PLAC1: variants seen among roughly 807,000 people sequenced by gnomAD.
The protein encoded by PLAC1 is placenta-specific protein 1.
For synonymous variants in PLAC1, 68 were observed against 62.1 expected, an observed-to-expected ratio of 1.09 and a Z score of -0.44; for missense variants, 136 against 163.2, an observed-to-expected ratio of 0.83 and a Z score of 0.91.
At chrX:134,749,815 A>T (rs2078736889) in intron 1 of PLAC1, among the ~76,000 whole-genome samples, 1 of 111,770 alleles carries the variant, frequency 8.9e-6, no homozygotes, top group Non-Finnish European at 1.9e-5. Flanking sequence ...GAACATCTGG[A>T]AAGAGTGTTA....
intron 2 of PLAC1, among the ~76,000 whole-genome samples, chrX:134,674,981 T>C (rs761298347): frequency 1.0e-3 from 114 of 112,601 alleles, no homozygotes; most frequent in African/African-American, 3.4e-3. Flanking sequence ...AATTCTTAGC[T>C]GAGGCTCTTT....
At chrX:134,728,223 TTGAAGAAA>T (rs1245094218) in intron 2 of PLAC1, among the ~76,000 whole-genome samples, 1 of 111,227 alleles carries the variant, frequency 9.0e-6, no homozygotes, top group Non-Finnish European at 1.9e-5. Flanking sequence ...TAAAGAATGT[TTGAAGAAA>T]TAATAGGCAG....
At chrX:134,574,077 C>G (rs896284786) in intron 2 of PLAC1, among the ~76,000 whole-genome samples, 1 of 102,607 alleles carries the variant, frequency 9.7e-6, no homozygotes, top group East Asian at 2.9e-4. Context: ...CTCTGTCTCT[C>G]TCTCTCTCTC....
At chrX:134,582,238 A>T (rs756667061) in intron 2 of PLAC1, among the ~76,000 whole-genome samples, 5 of 112,550 alleles carry the variant, frequency 4.4e-5, no homozygotes, top group African/African-American at 1.6e-4. Context: ...TGATTAAAGA[A>T]GGTCATGTTT....
At chrX:134,703,020 G>A (rs1338415382) in intron 2 of PLAC1, among the ~76,000 whole-genome samples, 1 of 112,002 alleles carries the variant, frequency 8.9e-6, no homozygotes, top group African/African-American at 3.2e-5. Context: ...AACCAAAAAA[G>A]GTGTTAAATT....
intron 1 of PLAC1, among the ~76,000 whole-genome samples, chrX:134,647,169 C>T (rs1457370300): frequency 1.8e-5 from 2 of 111,465 alleles, no homozygotes; most frequent in African/African-American, 6.5e-5. Context: ...CCTCTTGTCC[C>T]CCACAGCTCC....
chrX:134,755,430 T>C, intron 1 of PLAC1, among the ~76,000 whole-genome samples: 2 of 112,202 alleles, frequency 1.8e-5, no homozygotes, highest in Non-Finnish European at 3.8e-5. Flanking sequence ...TTCTTATACA[T>C]TTGGTAACTA....
intron 2 of PLAC1, among the ~76,000 whole-genome samples, chrX:134,723,342 C>T (rs1437597271): frequency 1.2e-4 from 12 of 103,551 alleles, no homozygotes; most frequent in Non-Finnish European, 2.3e-4. Context: ...AGGTCTCACT[C>T]TGCCACCCAG....
At chrX:134,569,004 A>G (rs769627383) in intron 2 of PLAC1, among the ~76,000 whole-genome samples, 50 of 109,838 alleles carry the variant, frequency 4.6e-4, no homozygotes, top group African/African-American at 1.5e-3. Context: ...TCATCCCACA[A>G]CCTGGGCCTA....
At position 134,670,056 on chromosome X, in the gene PLAC1, T is replaced by C. The variant is rs1602894658; in HGVS notation, n.174+63379A>G. 3.0e-5 allele frequency among the ~76,000 whole-genome samples: 3 copies of C among 101,558 alleles called. No individual in the cohort carries two copies. In the Admixed American group the frequency reaches 3.2e-4, roughly 11 times the overall value. 88.2% of individuals were successfully genotyped at this position (101,558 alleles called of 115,157 possible). On this transcript the variant is annotated intron_variant and non_coding_transcript_variant, in intron 2 of 2. Transcript: ENST00000466797. ...CCTGAGAAACACATTTTTGTCTCTG[T>C]CTCTGGAAAACATGTGTGCAAGCAA...
At chrX:134,573,235 A>C (rs1376882141) in intron 2 of PLAC1, among the ~76,000 whole-genome samples, 1 of 112,533 alleles carries the variant, frequency 8.9e-6, no homozygotes, top group South Asian at 3.7e-4. Context: ...AAACTTGAAC[A>C]AAGAGATGTA....
At chrX:134,652,918 G>A (rs1325216675) in intron 1 of PLAC1, among the ~76,000 whole-genome samples, 1 of 111,998 alleles carries the variant, frequency 8.9e-6, no homozygotes, top group Non-Finnish European at 1.9e-5. Context: ...TGTGAGGTCC[G>A]CGGCTGCTCT....
chrX:134,743,871 C>T (rs2078722760), intron 1 of PLAC1, among the ~76,000 whole-genome samples: 3 of 112,453 alleles, frequency 2.7e-5, no homozygotes, highest in South Asian at 3.6e-4. Context: ...CTGGTTGTGA[C>T]GAAAGTTTTT....
intron 1 of PLAC1, among the ~76,000 whole-genome samples, chrX:134,604,757 G>A (rs1031811071): frequency 2.7e-5 from 3 of 110,811 alleles, no homozygotes; most frequent in Non-Finnish European, 5.7e-5. Flanking sequence ...GCCCCTCATC[G>A]CACAAGGTCT....
chrX:134,609,156 G>T (rs1286922280), intron 1 of PLAC1, among the ~76,000 whole-genome samples: 1 of 110,681 alleles, frequency 9.0e-6, no homozygotes, highest in Non-Finnish European at 1.9e-5. Flanking sequence ...CATTCTTTCT[G>T]CTAGTAATGT....
chrX:134,659,495 T>C (rs1264621136), upstream of PLAC1, among the ~76,000 whole-genome samples: 1 of 110,890 alleles, frequency 9.0e-6, no homozygotes, highest in East Asian at 2.8e-4. Context: ...TGAGCTCCTA[T>C]GGAAAGTCAG....
Position 134,634,254 on chromosome X carries a change from C to A in PLAC1, c.-131+24074G>T, listed in dbSNP as rs530226999. ...CATTTTGAAGCCTGAGAAGAGCTCTCTGGAAGAGAGTGCCCATGTCCTTGC... is the reference window on the plus strand; with the variant it reads ...CATTTTGAAGCCTGAGAAGAGCTCTATGGAAGAGAGTGCCCATGTCCTTGC... On this transcript the variant is annotated intron_variant, in intron 1 of 2. Coordinates refer to ENST00000359237, the MANE Select transcript of PLAC1 (RefSeq NM_021796.4). Among the ~76,000 whole-genome samples the A allele has an allele frequency of 3.6e-5, 4 of 112,213 alleles. No individual in the cohort carries two copies. The South Asian group carries it at 1.5e-3, about 41-fold the overall frequency.
At chrX:134,726,707 C>CA (rs1287295391) in intron 2 of PLAC1, among the ~76,000 whole-genome samples, 6 of 106,714 alleles carry the variant, frequency 5.6e-5, no homozygotes, top group Middle Eastern at 5.0e-3. Flanking sequence ...CCTGTAGTCC[C>CA]AGCTACTCAG....
chrX:134,628,583 C>T (rs2078246640), intron 1 of PLAC1, among the ~76,000 whole-genome samples: 1 of 112,029 alleles, frequency 8.9e-6, no homozygotes, highest in African/African-American at 3.2e-5. Context: ...CTGTTTTACT[C>T]CACTAATTCT....
Sources: gnomAD v4.1 joint callset for allele counts (sites outside exome capture counted in the v4.1 genomes callset) on GRCh38, gnomAD v4.1.1 for gene constraint, MANE v1.5 for transcripts, NCBI Gene and HGNC (gene_info 2026-07-23, HGNC 2026-07-21) for gene names.